PACS2: variants seen among roughly 807,000 people sequenced by gnomAD.
The protein encoded by PACS2 is PACS1-like protein.
Under a neutral mutation model 113.0 loss-of-function variants are expected in PACS2, and 36 were observed. The observed-to-expected ratio is 0.32, with a 90% CI of 0.24 to 0.42. The LOEUF (loss-of-function observed/expected upper bound fraction) is 0.42. Among genes scored for constraint, PACS2 ranks in the 10% least tolerant of loss-of-function variants. The pLI is 1.00. For synonymous variants in PACS2, 589 were observed against 536.1 expected (o/e 1.10, Z -1.36); for missense variants, 1,015 against 1,239.5 (o/e 0.82, Z 2.72).
intron 3 of PACS2, among the ~76,000 whole-genome samples, chr14:105,353,278 A>G (rs2060298049): frequency 2.0e-5 from 2 of 101,472 alleles, no homozygotes; most frequent in Middle Eastern, 0.011. Context: ...CCCTGGGGTG[A>G]CGGGCCCCCC....
intron 4 of PACS2, among the ~76,000 whole-genome samples, chr14:105,362,187 G>C (rs961644456): frequency 2.0e-5 from 3 of 151,800 alleles, no homozygotes; most frequent in South Asian, 2.1e-4. Context: ...GGGAGGCCAC[G>C]GTGGGCGGAT....
chr14:105,363,914 AAG>A (rs2060824744), intron 4 of PACS2, among the ~76,000 whole-genome samples: 1 of 152,016 alleles, frequency 6.6e-6, no homozygotes, highest in African/African-American at 2.4e-5. Flanking sequence ...TGTGTCTCGG[AAG>A]AGAGAGGCCA....
In PACS2 at chr14:105,368,070, G is replaced by A. The variant is rs782379339; in HGVS notation, c.587-4G>A. Reference sequence around the variant, plus strand: ...ACCCTCCCTTCTGTCTGTTCATTCCGCAGATAACTACTCCGAGGAGGAGTA... The same window carrying A: ...ACCCTCCCTTCTGTCTGTTCATTCCACAGATAACTACTCCGAGGAGGAGTA... On this transcript the variant is annotated splice_region_variant and splice_polypyrimidine_tract_variant and intron_variant, in intron 5 of 24. Transcript: ENST00000447393. 3.3e-5 allele frequency: 53 copies of A among 1,599,354 alleles called. No homozygotes were observed. The highest frequency in any genetic ancestry group is 3.3e-4 in the Middle Eastern group (2 of 6,066).
In PACS2 at chr14:105,355,752, T is replaced by C. The variant is rs117907615; in HGVS notation, c.423+575T>C. Among the ~76,000 whole-genome samples, 212 of 152,300 alleles carry C rather than the reference T, an allele frequency of 1.4e-3. 6 individuals are homozygous for C. In the East Asian group the frequency reaches 0.028, roughly 20 times the overall value. ...AGAAACAGCCAAGCAGCAGCCCACC[T>C]TGCTCCAGAGAACCCAGCGTTCCAA... On this transcript the variant is annotated intron_variant, in intron 4 of 24. Coordinates refer to ENST00000447393, the MANE Select transcript of PACS2 (RefSeq NM_001100913.3). The surrounding 1 kb of genome is among the most constrained non-coding windows in gnomAD (Gnocchi z 4.1).
In PACS2 at chr14:105,356,836, G is replaced by A. The variant is rs2060469589; in HGVS notation, c.423+1659G>A. On this transcript the variant is annotated intron_variant, in intron 4 of 24. Coordinates refer to ENST00000447393, the MANE Select transcript of PACS2 (RefSeq NM_001100913.3). The surrounding 1 kb of genome is among the most constrained non-coding windows in gnomAD (Gnocchi z 4.0). ...TTAGCCATGCAGGCGATGTCCTGCT[G>A]ATCCCTGCCGGTCCCTGTGTTTCCC... is the stretch of plus-strand genomic sequence containing the variant. Among the ~76,000 whole-genome samples the A allele has an allele frequency of 6.7e-6, 1 of 149,732 alleles. No individual in the cohort carries two copies. Among genetic ancestry groups the A allele is most frequent in the Non-Finnish European group, 1.5e-5 (1 of 67,888 alleles).
rs1242333746 is a variant in PACS2 at position 105,384,457 on chromosome 14, A to T, written c.1885A>T (p.Ser629Cys). The T allele has an allele frequency of 6.2e-7, 1 of 1,605,930 alleles. No homozygotes were observed. Among genetic ancestry groups the T allele is most frequent in the South Asian group, 1.1e-5 (1 of 90,840 alleles). Residue 629 changes from serine to cysteine, a missense_variant, in exon 17 of 25, where the codon AGT becomes TGT. By Grantham distance (112) the Ser-to-Cys change is moderately radical. Coordinates refer to ENST00000447393, the MANE Select transcript of PACS2 (RefSeq NM_001100913.3). ...CCTGTTCAACAAGCTGGAGGCCCAG[A>T]GTGCGGGTGAGGCCCGGGCGCGTCC... ...RDLFNKLEAQ[S>C]AVQDTPDIVS...
At position 105,376,533 on chromosome 14, in the gene PACS2, A is replaced by T. The variant is rs587629028; in HGVS notation, c.802-235A>T. On this transcript the variant is annotated intron_variant, in intron 8 of 24. Transcript: ENST00000447393. This position sits in a 1 kb window ranked among gnomAD's most constrained non-coding sequence, Gnocchi z 4.7. ...GCACCCTGGCAGCCCAGATGACTGC[A>T]CCAGCCCAGGGGAGGTGGAGGAATG... 6.6e-6 allele frequency among the ~76,000 whole-genome samples: 1 copy of T among 152,238 alleles called. No individual in the cohort carries two copies. Among genetic ancestry groups the T allele is most frequent in the African/African-American group, 2.4e-5 (1 of 41,560 alleles).
chr14:105,347,309 T>G (rs587614849), intron 1 of PACS2, among the ~76,000 whole-genome samples: 2 of 151,878 alleles, frequency 1.3e-5, no homozygotes, highest in South Asian at 4.2e-4. Context: ...CATCCAGTGC[T>G]CCCGTTGCCT....
At chr14:105,308,405 C>T (rs917036043) in intron 1 of PACS2, among the ~76,000 whole-genome samples, 9 of 152,008 alleles carry the variant, frequency 5.9e-5, no homozygotes, top group Non-Finnish European at 1.2e-4. Flanking sequence ...TTGCCTGAGC[C>T]CAGGAGACAG....
rs587642588 is a variant in PACS2, at chr14:105,322,158, G to A, written c.119+7121G>A. ...TCACCATGTTGGCCAGGCTGGTCTC[G>A]AACTCTCGACCTCGTGATCCGCCCG... is the stretch of plus-strand genomic sequence containing the variant. On this transcript the variant is annotated intron_variant, in intron 1 of 24. Transcript: ENST00000447393. 2.6e-4 allele frequency among the ~76,000 whole-genome samples: 40 copies of A among 151,724 alleles called. No individual in the cohort carries two copies. In the East Asian group the frequency reaches 6.5e-3, roughly 24 times the overall value.
At chr14:105,338,033 C>G (rs952017664) in intron 1 of PACS2, among the ~76,000 whole-genome samples, 6 of 152,212 alleles carry the variant, frequency 3.9e-5, no homozygotes, top group African/African-American at 1.4e-4. Context: ...TGTCTCTGGC[C>G]TCCTCACCCA....
intron 3 of PACS2, among the ~76,000 whole-genome samples, chr14:105,353,270 C>T (rs1356955875): frequency 7.4e-6 from 1 of 135,292 alleles, no homozygotes; most frequent in Admixed American, 7.3e-5. Context: ...TCGCTGTCCC[C>T]TGGGGTGACG....
intron 1 of PACS2, among the ~76,000 whole-genome samples, chr14:105,334,164 A>C (rs1221958828): frequency 1.3e-5 from 2 of 152,174 alleles, no homozygotes; most frequent in Non-Finnish European, 2.9e-5. Context: ...GCTCAGCTGC[A>C]TCCTCCTGCG....
Position 105,315,518 on chromosome 14 carries a change from G to A in PACS2, c.119+481G>A, listed in dbSNP as rs1399222440. ...CCTCCGTCCAGCGCGCGGTGGAGAT[G>A]CCCTGTCCTGCGGGGCGGGGTCGTC... On this transcript the variant is annotated intron_variant, in intron 1 of 24. Transcript: ENST00000447393. The surrounding 1 kb of genome is among the most constrained non-coding windows in gnomAD (Gnocchi z 4.4). 1 of 152,408 alleles carries A rather than the reference G, an allele frequency of 6.6e-6. No homozygotes were observed. Among genetic ancestry groups the A allele is most frequent in the Non-Finnish European group, 1.5e-5 (1 of 68,074 alleles). 9.4% of individuals were successfully genotyped at this position (152,408 alleles called of 1,614,324 possible). A position where few individuals can be genotyped will look rare whatever the true frequency, so the allele number is the denominator to read the frequency against.
At chr14:105,328,508 G>A (rs749166114) in intron 1 of PACS2, among the ~76,000 whole-genome samples, 1 of 152,234 alleles carries the variant, frequency 6.6e-6, no homozygotes, top group Non-Finnish European at 1.5e-5. Flanking sequence ...CAGGGGCCCA[G>A]AGGCTGCTCT....
At chr14:105,333,199 C>A (rs893550671) in intron 1 of PACS2, among the ~76,000 whole-genome samples, 1 of 151,578 alleles carries the variant, frequency 6.6e-6, no homozygotes, top group Non-Finnish European at 1.5e-5. Context: ...CAGTCCCCAC[C>A]CCCTCCTGCT....
intron 22 of PACS2, 102 bp downstream of exon 22, chr14:105,391,868 C>T: frequency 8.0e-7 from 1 of 1,254,144 alleles, no homozygotes; most frequent in Non-Finnish European, 1.1e-6. Context: ...CCCAGGGCAC[C>T]TGGCCTGTCA....
At chr14:105,308,446 TA>T (rs2058252793) in intron 1 of PACS2, among the ~76,000 whole-genome samples, 1 of 151,074 alleles carries the variant, frequency 6.6e-6, no homozygotes, top group Non-Finnish European at 1.5e-5. Context: ...GGCACCATTG[TA>T]CTCCAGCCTG....
intron 19 of PACS2, 61 bp from the exon 20 acceptor site, chr14:105,389,900 G>T (rs986669287): frequency 4.8e-6 from 7 of 1,468,684 alleles, no homozygotes; most frequent in Non-Finnish European, 5.7e-6. Flanking sequence ...AGAGGGAGCT[G>T]TGCCCACCAG....
Sources: gnomAD v4.1 joint callset for allele counts (sites outside exome capture counted in the v4.1 genomes callset) on GRCh38, gnomAD v4.1.1 for gene constraint, Gnocchi (gnomAD v3.1) non-coding constraint, MANE v1.5 for transcripts, NCBI Gene and HGNC (gene_info 2026-07-23, HGNC 2026-07-21) for gene names.